Variants in AHRR observed in about 807,000 individuals in gnomAD.
The protein encoded by AHRR is aryl hydrocarbon receptor repressor, also known as ahR repressor.
In AHRR, 28 loss-of-function variants were observed where a neutral mutation model predicts 44.0. The observed-to-expected ratio is 0.64, with a 90% CI of 0.47 to 0.87. The LOEUF is 0.87. Among genes scored for constraint, AHRR ranks in the 40% least tolerant of loss-of-function variants. The pLI is 0.00. For missense variants in AHRR, 990 were observed against 953.9 expected (o/e 1.04, Z -0.50); for synonymous variants, 434 against 407.0 (o/e 1.07, Z -0.80).
chr5:371,844 G>C (rs1743591363), intron 3 of AHRR, among the ~76,000 whole-genome samples: 1 of 152,170 alleles, frequency 6.6e-6, no homozygotes, highest in South Asian at 2.1e-4. Flanking sequence ...TCTCCCTTAC[G>C]CCCCTGTCTG....
chr5:430,747 A>C (rs1736686161), intron 8 of AHRR, among the ~76,000 whole-genome samples: 1 of 152,338 alleles, frequency 6.6e-6, no homozygotes, highest in East Asian at 1.9e-4. Context: ...GGGCCCTGCT[A>C]GCCCCACCTC....
chr5:395,076 G>A lies in AHRR; in HGVS notation c.352-18268G>A, dbSNP rs551735576. Among the ~76,000 whole-genome samples, 6 of 152,310 alleles carry A rather than the reference G, an allele frequency of 3.9e-5. No individual in the cohort carries two copies. In the South Asian group the frequency reaches 1.2e-3, roughly 32 times the overall value. Reference sequence around the variant, plus strand: ...GACGGGAAAGTGATTTCTCCCACCTGTATTTTGACTGTGACCCCAAAGCCC... The same window carrying A: ...GACGGGAAAGTGATTTCTCCCACCTATATTTTGACTGTGACCCCAAAGCCC... On this transcript the variant is annotated intron_variant, in intron 4 of 10. Transcript: ENST00000684583. The surrounding 1 kb of genome is among the most constrained non-coding windows in gnomAD (Gnocchi z 5.3).
intron 5 of AHRR, among the ~76,000 whole-genome samples, chr5:415,730 G>GCCGAATCTCCCTGGTCTGCTGGGAGGC (rs1560916547): frequency 6.6e-6 from 1 of 152,110 alleles, no homozygotes; most frequent in Non-Finnish European, 1.5e-5. Context: ...AGGCCTAGGG[G>GCCGAATCTCCCTGGTCTGCTGGGAGGC]CTGTGCAGAG....
intron 3 of AHRR, among the ~76,000 whole-genome samples, chr5:365,706 TA>T (rs1743333554): frequency 6.6e-6 from 1 of 152,014 alleles, no homozygotes; most frequent in Non-Finnish European, 1.5e-5. Context: ...GTATTAGGAA[TA>T]TAAAGAGGAG....
intron 4 of AHRR, among the ~76,000 whole-genome samples, chr5:384,510 A>C (rs1579648262): frequency 6.6e-6 from 1 of 151,836 alleles, no homozygotes; most frequent in South Asian, 2.1e-4. Context: ...TGCAACCTCC[A>C]CCTCCTGGGT....
chr5:380,515 G>A (rs1733936975), intron 4 of AHRR, among the ~76,000 whole-genome samples: 2 of 152,198 alleles, frequency 1.3e-5, no homozygotes, highest in African/African-American at 2.4e-5. Flanking sequence ...TCGGTGTTTT[G>A]TAGTTTTCAG....
chr5:431,487 C>T (rs1001411111), intron 8 of AHRR, among the ~76,000 whole-genome samples: 25 of 152,208 alleles, frequency 1.6e-4, no homozygotes, highest in African/African-American at 6.0e-4. Flanking sequence ...CCTTGTGGTC[C>T]ACCAGTCCTG....
intron 7 of AHRR, among the ~76,000 whole-genome samples, chr5:427,352 A>G (rs1335131041): frequency 6.6e-6 from 1 of 152,248 alleles, no homozygotes; most frequent in Non-Finnish European, 1.5e-5. Flanking sequence ...AAATTTCATA[A>G]TTACAAATGA....
intron 4 of AHRR, among the ~76,000 whole-genome samples, chr5:379,361 T>A (rs1335896498): frequency 1.3e-5 from 2 of 152,182 alleles, no homozygotes; most frequent in African/African-American, 2.4e-5. Context: ...TAGGTTTTGG[T>A]GTTTATGAAT....
At chr5:408,781 G>A (rs1259145492) in intron 4 of AHRR, among the ~76,000 whole-genome samples, 1 of 152,046 alleles carries the variant, frequency 6.6e-6, no homozygotes, top group Non-Finnish European at 1.5e-5. Context: ...GTGAAGATCT[G>A]GTAGAATTCC....
At chr5:417,314 G>C (rs1359234411) in intron 5 of AHRR, among the ~76,000 whole-genome samples, 3 of 151,036 alleles carry the variant, frequency 2.0e-5, no homozygotes, top group African/African-American at 7.3e-5. Flanking sequence ...CCCGAGTCTA[G>C]AGAAGGCCGC....
chr5:376,533 A>T (rs1733674507), intron 3 of AHRR, 77 bp from the exon 4 acceptor site: 3 of 1,461,670 alleles, frequency 2.1e-6, no homozygotes, highest in South Asian at 1.4e-5. Flanking sequence ...GCGGGGAAAC[A>T]CAGGAAAGAT....
intron 5 of AHRR, chr5:421,312 C>G (rs753438638): frequency 7.2e-6 from 5 of 696,720 alleles, no homozygotes; most frequent in African/African-American, 5.4e-5. Context: ...GGTGCCCCCA[C>G]GGTCGCGATG....
chr5:426,610 G>A (rs1433090809), intron 7 of AHRR, among the ~76,000 whole-genome samples: 1 of 125,946 alleles, frequency 7.9e-6, no homozygotes, highest in Non-Finnish European at 1.9e-5. Flanking sequence ...TGGAAAGATG[G>A]ATGGATGGAC....
chr5:394,197 C>T (rs1230721079), intron 4 of AHRR, among the ~76,000 whole-genome samples: 3 of 152,244 alleles, frequency 2.0e-5, no homozygotes, highest in Non-Finnish European at 4.4e-5. Flanking sequence ...CAGGCTGCAG[C>T]TTTGTGCTCA....
intron 4 of AHRR, among the ~76,000 whole-genome samples, chr5:381,594 C>T (rs528754613): frequency 6.7e-5 from 9 of 133,594 alleles, no homozygotes; most frequent in African/African-American, 2.3e-4. Flanking sequence ...CGGTTCACTG[C>T]AATCTCTGCC....
intron 2 of AHRR, among the ~76,000 whole-genome samples, chr5:347,042 A>C (rs1247075040): frequency 6.6e-6 from 1 of 152,142 alleles, no homozygotes; most frequent in Non-Finnish European, 1.5e-5. Context: ...GTTGTTCCCA[A>C]ACCTCCCAGC....
chr5:360,389 G>A (rs1337468978), intron 3 of AHRR, among the ~76,000 whole-genome samples: 1 of 152,232 alleles, frequency 6.6e-6, no homozygotes, highest in Non-Finnish European at 1.5e-5. Context: ...TTTATTATAA[G>A]CAGCCCAGGC....
chr5:421,377 T>A (rs2126530499), intron 5 of AHRR: 1 of 618,546 alleles, frequency 1.6e-6, no homozygotes, highest in Non-Finnish European at 2.9e-6. Flanking sequence ...CCGCGCACAG[T>A]ACCAGCCCCC....
Sources: allele counts gnomAD v4.1 joint callset (sites outside exome capture counted in the v4.1 genomes callset), GRCh38; gene constraint gnomAD v4.1.1; non-coding constraint Gnocchi (gnomAD v3.1); transcripts MANE v1.5; gene names NCBI Gene and HGNC (gene_info 2026-07-23, HGNC 2026-07-21).